The following DGLUCY variants were observed in gnomAD, a reference collection of about 807,000 sequenced individuals.
DGLUCY encodes the protein D-glutamate cyclase, mitochondrial.
In DGLUCY, 58 loss-of-function variants were observed where a neutral mutation model predicts 58.5. That is an observed-to-expected ratio of 0.99 (90% CI 0.80 to 1.23). The LOEUF (loss-of-function observed/expected upper bound fraction) is 1.23, where lower values mean the gene tolerates loss of function less well. Among genes scored for constraint, DGLUCY ranks in the 50% most tolerant of loss-of-function variants. The pLI is 0.00. For synonymous variants in DGLUCY, 325 were observed against 314.1 expected (o/e 1.03, Z -0.37); for missense variants, 779 against 784.7 (o/e 0.99, Z 0.09).
In DGLUCY at chr14:91,199,818, G is replaced by T. The variant is rs114411077; in HGVS notation, c.1357G>T (p.Ala453Ser). Residue 453 changes from alanine (A) to serine (S), a missense_variant, in exon 11 of 14, where the codon GCA (alanine) becomes TCA (serine). Coordinates refer to ENST00000256324, the MANE Select transcript of DGLUCY (RefSeq NM_001102368.3). ...GRAADGNYYN[A>S]RKMNIKHLVD... ...AGCTGCTGATGGCAATTACTACAATGCAAGGAAGATGAACATCAAGCACTT... is the reference window on the plus strand; with the variant it reads ...AGCTGCTGATGGCAATTACTACAATTCAAGGAAGATGAACATCAAGCACTT... 41 of 1,614,156 alleles carry T rather than the reference G, an allele frequency of 2.5e-5. No homozygotes were observed. In the Admixed American group the frequency reaches 4.7e-4, roughly 18 times the overall value.
Position 91,094,436 on chromosome 14 carries a change from A to C in DGLUCY, c.-82+33732A>C, listed in dbSNP as rs555699523. 2.1e-3 allele frequency among the ~76,000 whole-genome samples: 308 copies of C among 144,300 alleles called. 2 individuals are homozygous for C. Among genetic ancestry groups the C allele is most frequent in the East Asian group, 4.8e-3 (24 of 4,984 alleles). The allele number at this position is 144,300 out of a possible 152,430, so 94.7% of individuals were successfully genotyped here. On this transcript the variant is annotated intron_variant, in intron 1 of 4. Coordinates refer to the DGLUCY transcript ENST00000521334. ...GGCGACCGAGCGAGACTCTGTCCCC[A>C]AAAAAAAAAAAGCAACTACAGCCCA...
intron 8 of DGLUCY, among the ~76,000 whole-genome samples, chr14:91,186,713 G>A (rs756138844): frequency 1.6e-4 from 25 of 152,248 alleles, no homozygotes; most frequent in Non-Finnish European, 2.8e-4. Context: ...GAAGTGACTC[G>A]CTGGCTCCAG....
intron 1 of DGLUCY, among the ~76,000 whole-genome samples, chr14:91,087,353 C>T (rs963046189): frequency 3.9e-5 from 6 of 152,148 alleles, no homozygotes; most frequent in African/African-American, 7.2e-5. Context: ...AGTAGAGGTT[C>T]CTCTTCAAAG....
chr14:91,127,646 TC>T (rs1220880712), intron 1 of DGLUCY, among the ~76,000 whole-genome samples: 2 of 152,244 alleles, frequency 1.3e-5, no homozygotes, highest in Non-Finnish European at 2.9e-5. Context: ...AACTGCTTCT[TC>T]CGGTTTCTGT....
intron 1 of DGLUCY, among the ~76,000 whole-genome samples, chr14:91,142,495 G>C (rs1335997135): frequency 1.3e-5 from 2 of 152,066 alleles, no homozygotes; most frequent in South Asian, 2.1e-4. Context: ...AGTTAGAAGA[G>C]GGTAATAAGA....
At chr14:91,199,555 A>G (rs1457066463) in intron 10 of DGLUCY, among the ~76,000 whole-genome samples, 3 of 152,080 alleles carry the variant, frequency 2.0e-5, no homozygotes, top group African/African-American at 7.2e-5. Context: ...GCCCAGCCCC[A>G]ATGCTATATC....
At chr14:91,172,394 T>G (rs2048617107) in intron 5 of DGLUCY, among the ~76,000 whole-genome samples, 1 of 152,188 alleles carries the variant, frequency 6.6e-6, no homozygotes, top group Non-Finnish European at 1.5e-5. Context: ...TTTATTTTCA[T>G]AACCTCAACT....
intron 1 of DGLUCY, among the ~76,000 whole-genome samples, chr14:91,074,114 T>TACACAC (rs1326685656): frequency 0.015 from 990 of 64,360 alleles, 9 homozygotes; most frequent in Non-Finnish European, 0.021. Flanking sequence ...AATATATATA[T>TACACAC]ATATACACAC....
intron 12 of DGLUCY, among the ~76,000 whole-genome samples, chr14:91,208,626 A>G (rs977347080): frequency 3.9e-5 from 6 of 152,156 alleles, no homozygotes; most frequent in Admixed American, 1.3e-4. Context: ...GTGGACGCCT[A>G]TAGTCCTAGC....
At chr14:91,117,330 C>G (rs2045030508) in intron 1 of DGLUCY, among the ~76,000 whole-genome samples, 1 of 152,128 alleles carries the variant, frequency 6.6e-6, no homozygotes, top group East Asian at 1.9e-4. Context: ...CTTGTGCCTA[C>G]CTCCTATCTC....
intron 1 of DGLUCY, among the ~76,000 whole-genome samples, chr14:91,100,976 C>T (rs780133006): frequency 1.3e-5 from 2 of 152,108 alleles, no homozygotes; most frequent in Admixed American, 6.6e-5. Flanking sequence ...GAGGCTGAAG[C>T]AGGAGACTCT....
At chr14:91,200,925 A>AG (rs1407378929) in intron 11 of DGLUCY, among the ~76,000 whole-genome samples, 1 of 135,962 alleles carries the variant, frequency 7.4e-6, no homozygotes, top group East Asian at 2.3e-4. Flanking sequence ...TTTTGCGGGC[A>AG]GGGGGTGGAT....
intron 1 of DGLUCY, among the ~76,000 whole-genome samples, chr14:91,067,430 C>G (rs2043842103): frequency 6.6e-6 from 1 of 152,186 alleles, no homozygotes; most frequent in Admixed American, 6.5e-5. Context: ...AAGTAGGAAA[C>G]ACCCAAGGCC....
Position 91,095,748 on chromosome 14 carries a change from C to T in DGLUCY, c.-82+35044C>T, listed in dbSNP as rs533721685. On this transcript the variant is annotated intron_variant, in intron 1 of 4. Coordinates refer to the DGLUCY transcript ENST00000521334. ...AGAAAAATGGCAGCTCTCCTTTATACACCTCTTCAGTGGTACTCTCCGTTG... is the reference window on the plus strand; with the variant it reads ...AGAAAAATGGCAGCTCTCCTTTATATACCTCTTCAGTGGTACTCTCCGTTG... 2.0e-5 allele frequency among the ~76,000 whole-genome samples: 3 copies of T among 152,272 alleles called. No individual in the cohort carries two copies. In the South Asian group the frequency reaches 6.2e-4, roughly 32 times the overall value.
At chr14:91,130,024 A>C (rs1019392776) in intron 1 of DGLUCY, among the ~76,000 whole-genome samples, 11 of 152,182 alleles carry the variant, frequency 7.2e-5, no homozygotes, top group African/African-American at 2.7e-4. Context: ...ATAGTGTTAC[A>C]TTGTATGATT....
upstream of DGLUCY, among the ~76,000 whole-genome samples, chr14:91,104,670 C>T (rs558538526): frequency 2.3e-4 from 35 of 152,318 alleles, 1 homozygote; most frequent in Middle Eastern, 0.014. Context: ...TGTCCAGTGG[C>T]CATTCCTTTG....
chr14:91,157,267 G>GTGGATGGATGGATGGATGGGTGGATGGA (rs35804477), intron 1 of DGLUCY, among the ~76,000 whole-genome samples: 1 of 141,656 alleles, frequency 7.1e-6, no homozygotes. Flanking sequence ...GAATGAATGG[G>GTGGATGGATGGATGGATGGGTGGATGGA]TGGATGGATG....
intron 9 of DGLUCY, among the ~76,000 whole-genome samples, chr14:91,191,401 T>C (rs1265951416): frequency 6.6e-6 from 1 of 152,138 alleles, no homozygotes; most frequent in African/African-American, 2.4e-5. Context: ...CAATGTGAAA[T>C]ATTTTATGCT....
exon 1 of DGLUCY, chr14:91,060,367 T>A: frequency 7.3e-6 from 11 of 1,503,260 alleles, no homozygotes; most frequent in Non-Finnish European, 9.8e-6. Flanking sequence ...GAGGAGCTGC[T>A]CTCCTCCGTC....
Sources: allele counts gnomAD v4.1 joint callset (sites outside exome capture counted in the v4.1 genomes callset), GRCh38; gene constraint gnomAD v4.1.1; transcripts MANE v1.5; gene names NCBI Gene and HGNC (gene_info 2026-07-23, HGNC 2026-07-21).